The following PLXDC2 variants were observed in gnomAD, a reference collection of about 807,000 sequenced individuals.
PLXDC2 encodes plexin domain-containing protein 2.
A neutral mutation model predicts 68.9 loss-of-function variants in PLXDC2; 40 were observed. That is an observed-to-expected ratio of 0.58 (90% CI 0.45 to 0.76). The LOEUF (loss-of-function observed/expected upper bound fraction) is 0.76. Ranked by LOEUF, PLXDC2 falls within the 30% of genes least tolerant of loss-of-function variation. The pLI is 0.00. For synonymous variants in PLXDC2, 243 were observed against 234.2 expected (o/e 1.04, Z -0.34); for missense variants, 644 against 661.9 (o/e 0.97, Z 0.30).
intron 9 of PLXDC2, among the ~76,000 whole-genome samples, chr10:20,182,830 C>T (rs1834625641): frequency 6.6e-6 from 1 of 151,906 alleles, no homozygotes; most frequent in South Asian, 2.1e-4. Flanking sequence ...ATTTGTCCTA[C>T]TGCTGTCCCT....
chr10:20,090,670 T>A (rs1833264265), intron 4 of PLXDC2, among the ~76,000 whole-genome samples: 1 of 152,140 alleles, frequency 6.6e-6, no homozygotes, highest in South Asian at 2.1e-4. Flanking sequence ...AAGTTGGATA[T>A]TTTCTCTGTG....
chr10:20,224,760 A>G (rs1172988990), intron 12 of PLXDC2, among the ~76,000 whole-genome samples: 1 of 152,234 alleles, frequency 6.6e-6, no homozygotes, highest in Non-Finnish European at 1.5e-5. Context: ...ATTTATCAAA[A>G]TACCAAAAAC....
At chr10:19,850,687 A>G (rs1458950965) in intron 1 of PLXDC2, among the ~76,000 whole-genome samples, 1 of 152,218 alleles carries the variant, frequency 6.6e-6, no homozygotes, top group Non-Finnish European at 1.5e-5. Context: ...CAAAATATGC[A>G]TTTTAAATAA....
chr10:20,168,998 A>G (rs10827979), intron 7 of PLXDC2, among the ~76,000 whole-genome samples: 55,737 of 151,964 alleles, frequency 0.37, 11,358 homozygotes, highest in Non-Finnish European at 0.47. Flanking sequence ...TATATAAAAC[A>G]TATTTTTTAC....
intron 4 of PLXDC2, among the ~76,000 whole-genome samples, chr10:20,069,652 C>T (rs1047790689): frequency 1.3e-5 from 2 of 151,868 alleles, no homozygotes; most frequent in African/African-American, 4.8e-5. Flanking sequence ...AAGACTCTAT[C>T]TCTGAAAATA....
intron 4 of PLXDC2, among the ~76,000 whole-genome samples, chr10:20,102,288 A>T (rs1833434180): frequency 6.6e-6 from 1 of 152,108 alleles, no homozygotes; most frequent in Non-Finnish European, 1.5e-5. Flanking sequence ...TATTGATTAA[A>T]TTATTTTGAT....
At chr10:20,078,118 A>G (rs1175100410) in intron 4 of PLXDC2, among the ~76,000 whole-genome samples, 2 of 152,232 alleles carry the variant, frequency 1.3e-5, no homozygotes, top group African/African-American at 2.4e-5. Flanking sequence ...ATTAAAGATT[A>G]TCTTGCAGAA....
intron 1 of PLXDC2, among the ~76,000 whole-genome samples, chr10:19,919,278 C>T (rs746004917): frequency 3.9e-5 from 6 of 152,078 alleles, no homozygotes; most frequent in African/African-American, 7.2e-5. Context: ...TGGTTTTAAT[C>T]GATATTAGGT....
chr10:20,234,681 T>TA (rs1835410548), intron 12 of PLXDC2, among the ~76,000 whole-genome samples: 1 of 148,400 alleles, frequency 6.7e-6, no homozygotes, highest in Admixed American at 6.7e-5. Context: ...TTTTTTTTTT[T>TA]CCTTTTTCCT....
chr10:20,148,835 A>G (rs1308822564), intron 6 of PLXDC2, among the ~76,000 whole-genome samples: 1 of 152,212 alleles, frequency 6.6e-6, no homozygotes, highest in Non-Finnish European at 1.5e-5. Context: ...TGTTGAGGAT[A>G]AAGAAAGAAT....
chr10:20,079,298 C>T (rs879890597), intron 4 of PLXDC2, among the ~76,000 whole-genome samples: 5 of 152,106 alleles, frequency 3.3e-5, no homozygotes, highest in Non-Finnish European at 7.3e-5. Context: ...ATCAAAACTG[C>T]AATGAGATAC....
chr10:19,944,909 G>A (rs775406652), intron 1 of PLXDC2, among the ~76,000 whole-genome samples: 3 of 152,162 alleles, frequency 2.0e-5, no homozygotes, highest in South Asian at 2.1e-4. Context: ...CTGAAATTGC[G>A]CCACTGCACT....
rs1216109718 is a variant in PLXDC2, at chr10:20,283,331, G to A, written c.*3512G>A. On this transcript the variant is annotated 3_prime_UTR_variant, in exon 14 of 14. Transcript: ENST00000377252. Reference sequence around the variant, plus strand: ...AAACAATTTTTGTCCTGTCTTTCTTGCAAGATTATTATGCAACCTGATTAA... The same window carrying A: ...AAACAATTTTTGTCCTGTCTTTCTTACAAGATTATTATGCAACCTGATTAA... 1 of 152,156 alleles carries A rather than the reference G, an allele frequency of 6.6e-6. No homozygotes were observed. Among genetic ancestry groups the A allele is most frequent in the Non-Finnish European group, 1.5e-5 (1 of 68,030 alleles). 9.4% of individuals were successfully genotyped at this position (152,156 alleles called of 1,614,324 possible). A position where few individuals can be genotyped will look rare whatever the true frequency, so the allele number is the denominator to read the frequency against.
intron 4 of PLXDC2, among the ~76,000 whole-genome samples, chr10:20,131,083 AT>A (rs984767543): frequency 2.0e-5 from 3 of 151,816 alleles, no homozygotes; most frequent in Admixed American, 2.0e-4. Context: ...GTTTGGTAGA[AT>A]TTACCCCAGT....
intron 1 of PLXDC2, among the ~76,000 whole-genome samples, chr10:19,834,087 A>C (rs1246253411): frequency 6.6e-6 from 1 of 152,098 alleles, no homozygotes; most frequent in African/African-American, 2.4e-5. Context: ...TTCCTGCATG[A>C]ACTTGCAGGT....
intron 9 of PLXDC2, among the ~76,000 whole-genome samples, chr10:20,210,923 T>C (rs1436461626): frequency 6.6e-6 from 1 of 152,196 alleles, no homozygotes; most frequent in African/African-American, 2.4e-5. Context: ...TAGAATGCCC[T>C]TGTGACTAAT....
At chr10:19,954,186 T>C (rs1395211366) in intron 1 of PLXDC2, among the ~76,000 whole-genome samples, 1 of 152,256 alleles carries the variant, frequency 6.6e-6, no homozygotes, top group South Asian at 2.1e-4. Context: ...TCTTTGTAGA[T>C]AGTTGATGAA....
At chr10:19,873,212 A>C (rs1034243765) in intron 1 of PLXDC2, among the ~76,000 whole-genome samples, 2 of 152,132 alleles carry the variant, frequency 1.3e-5, no homozygotes, top group African/African-American at 4.8e-5. Context: ...CTTAGAAATG[A>C]TAAAGAAACA....
rs577553599 is a variant in PLXDC2 at position 19,984,999 on chromosome 10, T to G, written c.113-16776T>G. On this transcript the variant is annotated intron_variant, in intron 1 of 13. Transcript: ENST00000377252. ...TTGTAAAAGGAAATTGCATTTCTGT[T>G]TTCTTTCTTCTGAAATGTTATTTGT... Among the ~76,000 whole-genome samples the G allele has an allele frequency of 3.9e-5, 6 of 152,376 alleles. No homozygotes were observed. The South Asian group carries it at 1.2e-3, about 32-fold the overall frequency.
Sources: allele counts gnomAD v4.1 joint callset (sites outside exome capture counted in the v4.1 genomes callset), GRCh38; gene constraint gnomAD v4.1.1; transcripts MANE v1.5; gene names NCBI Gene and HGNC (gene_info 2026-07-23, HGNC 2026-07-21).